Variants in BRI3BP observed in about 807,000 individuals in gnomAD.
BRI3BP encodes BRI3 binding protein.
Under a neutral mutation model 15.8 loss-of-function variants are expected in BRI3BP, and 7 were observed. The observed-to-expected ratio is 0.44, with a 90% CI of 0.25 to 0.83. The LOEUF (loss-of-function observed/expected upper bound fraction) is 0.83. Among genes scored for constraint, BRI3BP ranks in the 40% least tolerant of loss-of-function variants. The pLI is 0.20. For missense variants in BRI3BP, 320 were observed against 339.3 expected (o/e 0.94, Z 0.45); for synonymous variants, 192 against 163.5 (o/e 1.17, Z -1.33).
chr12:125,039,354 C>G, the BRI3BP span, among the ~76,000 whole-genome samples: 15 of 152,094 alleles, frequency 9.9e-5, no homozygotes, highest in Non-Finnish European at 8.8e-5. Flanking sequence ...GTCAGTTAAA[C>G]CAATCTCAGG....
In BRI3BP at chr12:124,993,962, A is replaced by G; in HGVS notation, c.172A>G (p.Ser58Gly). 1 of 1,363,772 alleles carries G rather than the reference A, an allele frequency of 7.3e-7. No individual in the cohort carries two copies. The highest frequency in any genetic ancestry group is 9.6e-7 in the Non-Finnish European group (1 of 1,044,540). 84.5% of individuals were successfully genotyped at this position (1,363,772 alleles called of 1,614,324 possible). The change falls in exon 1 of 3, where the codon AGC becomes GGC. Residue 58 changes from serine (S) to glycine (G), a missense_variant. Physicochemically the swap from Ser to Gly is moderately conservative, Grantham distance 56. Transcript: ENST00000341446. ...RTVNTFSQSV[S>G]SLFGEDNVRA... is the part of the protein sequence containing the mutation. The stretch of plus-strand genomic sequence containing the variant: ...GGTCAACACCTTCTCCCAGAGCGTC[A>G]GCAGCCTGTTCGGCGAGGACAACGT...
chr12:125,003,025 A>G (rs1376356695), intron 1 of BRI3BP, among the ~76,000 whole-genome samples: 1 of 151,974 alleles, frequency 6.6e-6, no homozygotes, highest in Non-Finnish European at 1.5e-5. Flanking sequence ...CGTGGTCTGT[A>G]TGTTATGTTC....
the BRI3BP span, among the ~76,000 whole-genome samples, chr12:125,048,246 G>A: frequency 1.3e-5 from 2 of 152,050 alleles, no homozygotes; most frequent in Non-Finnish European, 2.9e-5. Flanking sequence ...ATGCCGCCTC[G>A]AAATGCCTGC....
the BRI3BP span, among the ~76,000 whole-genome samples, chr12:125,038,599 C>G: frequency 6.6e-6 from 1 of 151,910 alleles, no homozygotes; most frequent in East Asian, 1.9e-4. Flanking sequence ...AACCCCGTCT[C>G]TACTAAAAAT....
Position 125,028,224 on chromosome 12 carries a change from A to C in BRI3BP, c.*2794A>C, listed in dbSNP as rs1445259327. The C allele has an allele frequency of 6.6e-6, 1 of 152,260 alleles. No homozygotes were observed. Among genetic ancestry groups the C allele is most frequent in the Non-Finnish European group, 1.5e-5 (1 of 68,056 alleles). 9.4% of individuals were successfully genotyped at this position (152,260 alleles called of 1,614,324 possible). ...TGGCATTCTGTGCGCAAAGCTAATGATCGCCAGCCCTGCCTTGGCCCCTCC... is the reference window on the plus strand; with the variant it reads ...TGGCATTCTGTGCGCAAAGCTAATGCTCGCCAGCCCTGCCTTGGCCCCTCC... On this transcript the variant is annotated 3_prime_UTR_variant, in exon 3 of 3. Coordinates refer to ENST00000341446, the MANE Select transcript of BRI3BP (RefSeq NM_080626.6).
In BRI3BP at chr12:124,993,814, G is replaced by C. The variant is rs886788332; in HGVS notation, c.24G>C (p.Gly8=). The change falls in exon 1 of 3, where the codon GGG becomes GGC. Residue 8 remains glycine (G), a synonymous_variant. Coordinates refer to ENST00000341446, the MANE Select transcript of BRI3BP (RefSeq NM_080626.6). MGARASG[G]PLARAGLLLL... is the part of the protein sequence containing the mutation. The stretch of plus-strand genomic sequence containing the variant: ...GCATGGGCGCGCGCGCCTCAGGCGG[G>C]CCCCTGGCCCGGGCCGGGCTCCTGC... 1.2e-4 allele frequency: 133 copies of C among 1,100,996 alleles called. No individual in the cohort carries two copies. Among genetic ancestry groups the C allele is most frequent in the Non-Finnish European group, 1.4e-4 (124 of 908,942 alleles). The allele number at this position is 1,100,996 out of a possible 1,614,324, so 68.2% of individuals were successfully genotyped here.
downstream of BRI3BP, among the ~76,000 whole-genome samples, chr12:125,032,250 C>G (rs1255374120): frequency 6.6e-6 from 1 of 151,434 alleles, no homozygotes; most frequent in Non-Finnish European, 1.5e-5. Flanking sequence ...ATCACGAGGT[C>G]AAGAGATCTA....
intron 2 of BRI3BP, among the ~76,000 whole-genome samples, chr12:125,016,586 C>T (rs1162081252): frequency 1.3e-5 from 2 of 151,916 alleles, no homozygotes; most frequent in Admixed American, 6.6e-5. Flanking sequence ...AGTGCAATGG[C>T]GCTATCTCGG....
intron 2 of BRI3BP, among the ~76,000 whole-genome samples, chr12:125,023,184 C>G (rs1188403975): frequency 6.6e-6 from 1 of 152,156 alleles, no homozygotes; most frequent in East Asian, 1.9e-4. Flanking sequence ...AGATGGACAC[C>G]TATTTCCCTC....
At chr12:125,031,730 T>C (rs966065031), downstream of BRI3BP, among the ~76,000 whole-genome samples, 15 of 151,910 alleles carry the variant, frequency 9.9e-5, no homozygotes, top group African/African-American at 3.6e-4. Context: ...GGTTTCACCA[T>C]GTTGGCCAGG....
At chr12:124,999,006 A>G (rs1460637706) in intron 1 of BRI3BP, among the ~76,000 whole-genome samples, 1 of 152,120 alleles carries the variant, frequency 6.6e-6, no homozygotes, top group African/African-American at 2.4e-5. Context: ...TGATCCTGGG[A>G]GGTTGAGACT....
At chr12:125,007,814 G>A (rs544539015) in intron 1 of BRI3BP, among the ~76,000 whole-genome samples, 4 of 152,032 alleles carry the variant, frequency 2.6e-5, no homozygotes, top group South Asian at 2.1e-4. Context: ...TATGTCCATC[G>A]TTGTTTTTGT....
intron 1 of BRI3BP, among the ~76,000 whole-genome samples, chr12:125,001,726 GTCT>G (rs1955093304): frequency 7.8e-6 from 1 of 127,724 alleles, no homozygotes; most frequent in South Asian, 3.1e-4. Context: ...CAGACTAAAT[GTCT>G]TTTTTTTTTT....
At position 125,029,571 on chromosome 12, in the gene BRI3BP, T is replaced by TATATATAC. The variant is rs1955391535; in HGVS notation, c.*4148_*4149insCATATATA. On this transcript the variant is annotated 3_prime_UTR_variant, in exon 3 of 3. Coordinates refer to ENST00000341446, the MANE Select transcript of BRI3BP (RefSeq NM_080626.6). Reference sequence around the variant, plus strand: ...GTGTGTGTGTGTGTATATATATGTATATATATATACACACACACACACTTT... The same window carrying TATATATAC: ...GTGTGTGTGTGTGTATATATATGTATATATATACATATATATACACACACACACACTTT... 1 of 144,010 alleles carries TATATATAC rather than the reference T, an allele frequency of 6.9e-6. No individual in the cohort carries two copies. Among genetic ancestry groups the TATATATAC allele is most frequent in the Non-Finnish European group, 1.5e-5 (1 of 67,036 alleles). 8.9% of individuals were successfully genotyped at this position (144,010 alleles called of 1,614,324 possible). A position where few individuals can be genotyped will look rare whatever the true frequency, so the allele number is the denominator to read the frequency against.
the BRI3BP span, among the ~76,000 whole-genome samples, chr12:125,038,021 G>A: frequency 2.7e-4 from 41 of 152,130 alleles, 1 homozygote; most frequent in African/African-American, 9.1e-4. Flanking sequence ...AGCCAGGCAC[G>A]GTGGCTCATG....
chr12:125,046,121 C>T, the BRI3BP span, among the ~76,000 whole-genome samples: 5 of 151,572 alleles, frequency 3.3e-5, no homozygotes, highest in Non-Finnish European at 2.9e-5. Flanking sequence ...GCTGAGATCG[C>T]GCCATTGACT....
chr12:125,023,907 C>T (rs1315018111), intron 2 of BRI3BP, among the ~76,000 whole-genome samples: 1 of 152,128 alleles, frequency 6.6e-6, no homozygotes, highest in Non-Finnish European at 1.5e-5. Flanking sequence ...CTCATCTCTA[C>T]TAAAAATACA....
chr12:125,048,742 T>G, the BRI3BP span, among the ~76,000 whole-genome samples: 1 of 151,466 alleles, frequency 6.6e-6, no homozygotes, highest in Non-Finnish European at 1.5e-5. Context: ...AAAAAGAAAT[T>G]CGGTTTGGAC....
At chr12:125,041,414 T>C in the BRI3BP span, among the ~76,000 whole-genome samples, 1 of 152,264 alleles carries the variant, frequency 6.6e-6, no homozygotes, top group African/African-American at 2.4e-5. Context: ...TATTTATAAT[T>C]TGGTAATTAT....
Sources: allele counts gnomAD v4.1 joint callset (sites outside exome capture counted in the v4.1 genomes callset), GRCh38; gene constraint gnomAD v4.1.1; transcripts MANE v1.5; gene names NCBI Gene and HGNC (gene_info 2026-07-23, HGNC 2026-07-21).